GALK2: variants seen among roughly 807,000 people sequenced by gnomAD.
GALK2 encodes N-acetylgalactosamine kinase.
GALK2 carries 36 observed loss-of-function variants against 52.4 expected under a neutral mutation model. The ratio of observed to expected loss-of-function variants is 0.69; its 90% confidence interval spans 0.53 to 0.91. GALK2 has a LOEUF of 0.91. Among genes scored for constraint, GALK2 ranks in the 40% least tolerant of loss-of-function variants. GALK2 has a pLI of 0.00. For missense variants in GALK2, 579 were observed against 559.1 expected (o/e 1.04, Z -0.36); for synonymous variants, 176 against 199.1 (o/e 0.88, Z 0.98).
chr15:49,281,073 G>C (rs2032623630), intron 5 of GALK2, among the ~76,000 whole-genome samples: 1 of 152,206 alleles, frequency 6.6e-6, no homozygotes, highest in South Asian at 2.1e-4. Flanking sequence ...TTGACCTCGT[G>C]ATCCGCCCAC....
At chr15:49,173,153 T>C (rs1344993325) in intron 1 of GALK2, among the ~76,000 whole-genome samples, 1 of 152,200 alleles carries the variant, frequency 6.6e-6, no homozygotes, top group East Asian at 1.9e-4. Flanking sequence ...AATGGAATCA[T>C]ATAAAATGTG....
rs1230351138 is a variant in GALK2 at position 49,204,717 on chromosome 15, A to G, written c.142+3467A>G. On this transcript the variant is annotated intron_variant, in intron 2 of 9. Coordinates refer to ENST00000560031, the MANE Select transcript of GALK2 (RefSeq NM_002044.4). ...TATTATTTTAAAATCTTATTTTTCC[A>G]TAAGTTATTGGGGTACAGGTGGTAT... is the stretch of plus-strand genomic sequence containing the variant. Among the ~76,000 whole-genome samples the G allele has an allele frequency of 4.6e-5, 7 of 152,038 alleles. No homozygotes were observed. The East Asian group carries it at 5.8e-4, about 13-fold the overall frequency.
In GALK2 at chr15:49,331,342, C is replaced by T. The variant is rs1301996416; in HGVS notation, c.*3183C>T. 1 of 153,868 alleles carries T rather than the reference C, an allele frequency of 6.5e-6. No individual in the cohort carries two copies. Among genetic ancestry groups the T allele is most frequent in the African/African-American group, 2.4e-5 (1 of 41,450 alleles). The allele number at this position is 153,868 out of a possible 1,614,324, so 9.5% of individuals were successfully genotyped here. A position where few individuals can be genotyped will look rare whatever the true frequency, so the allele number is the denominator to read the frequency against. On this transcript the variant is annotated 3_prime_UTR_variant, in exon 10 of 10. Coordinates refer to ENST00000560031, the MANE Select transcript of GALK2 (RefSeq NM_002044.4). ...AAAATCAGAAAGATGGAACAGGCTC[C>T]TTTCTTTTCTTTCTTTCTCATACTT... is the stretch of plus-strand genomic sequence containing the variant.
chr15:49,344,282 C>G (rs1389204449), intron 3 of GALK2: 1 of 152,114 alleles, frequency 6.6e-6, no homozygotes, highest in African/African-American at 2.4e-5. Flanking sequence ...CTGTTACATA[C>G]AAATACATAT....
chr15:49,284,928 T>G (rs2033171026), intron 7 of GALK2, among the ~76,000 whole-genome samples: 1 of 152,164 alleles, frequency 6.6e-6, no homozygotes, highest in South Asian at 2.1e-4. Context: ...TCTATCAGAC[T>G]CCACCTATTC....
At chr15:49,219,433 T>C (rs941250221) in intron 3 of GALK2, among the ~76,000 whole-genome samples, 5 of 152,222 alleles carry the variant, frequency 3.3e-5, no homozygotes, top group Admixed American at 2.6e-4. Context: ...TGTAAGTTCA[T>C]TAAATCTCTT....
intron 1 of GALK2, 192 bp downstream of exon 1, chr15:49,170,567 T>A (rs1422213070): frequency 5.1e-6 from 3 of 590,540 alleles, no homozygotes; most frequent in Admixed American, 5.9e-5. Flanking sequence ...CTACCTTGAC[T>A]ACTACGAAGG....
intron 7 of GALK2, among the ~76,000 whole-genome samples, chr15:49,291,699 T>A (rs2033952573): frequency 6.6e-6 from 1 of 152,154 alleles, no homozygotes; most frequent in African/African-American, 2.4e-5. Flanking sequence ...AGGAGGTACC[T>A]CAGGATGCAG....
chr15:49,241,871 G>A (rs117896289), intron 5 of GALK2, among the ~76,000 whole-genome samples: 8 of 115,048 alleles, frequency 7.0e-5, no homozygotes, highest in Middle Eastern at 4.0e-3. Flanking sequence ...TTTCAAAGTC[G>A]GAAATAGCAA....
chr15:49,306,454 G>T (rs960216695), intron 8 of GALK2, among the ~76,000 whole-genome samples: 1 of 151,790 alleles, frequency 6.6e-6, no homozygotes, highest in Admixed American at 6.6e-5. Flanking sequence ...TAATTTTGTG[G>T]GAAGACAACA....
chr15:49,301,774 G>A (rs1279351094), intron 8 of GALK2, among the ~76,000 whole-genome samples: 2 of 152,190 alleles, frequency 1.3e-5, no homozygotes, highest in East Asian at 3.8e-4. Flanking sequence ...CTTTGCCTGT[G>A]ACCACATGCT....
At chr15:49,284,503 A>G (rs539845813) in intron 7 of GALK2, among the ~76,000 whole-genome samples, 1 of 152,298 alleles carries the variant, frequency 6.6e-6, no homozygotes, top group South Asian at 2.1e-4. Context: ...TGGAGAGAGG[A>G]CTGAGGCTGG....
chr15:49,342,100 C>T (rs550637230), intron 3 of GALK2, among the ~76,000 whole-genome samples: 3 of 152,164 alleles, frequency 2.0e-5, no homozygotes, highest in South Asian at 2.1e-4. Flanking sequence ...GGTTCTGCCT[C>T]GATGATCTGC....
At chr15:49,356,301 G>A (rs1377929953) in intron 3 of GALK2, among the ~76,000 whole-genome samples, 2 of 151,418 alleles carry the variant, frequency 1.3e-5, no homozygotes, top group Non-Finnish European at 2.9e-5. Flanking sequence ...ATTGGATAAA[G>A]AGTCAAGACC....
chr15:49,205,167 G>A (rs1165974175), intron 2 of GALK2, among the ~76,000 whole-genome samples: 1 of 136,686 alleles, frequency 7.3e-6, no homozygotes, highest in Non-Finnish European at 1.6e-5. Context: ...AGTGGCAATT[G>A]TGAATTGTGC....
chr15:49,178,315 A>T (rs1265143839), intron 1 of GALK2: 2 of 132,554 alleles, frequency 1.5e-5, no homozygotes, highest in Non-Finnish European at 3.4e-5. Flanking sequence ...ATGTATGCAC[A>T]TATATGTATG....
At chr15:49,332,600 T>G (rs1030064265), downstream of GALK2, among the ~76,000 whole-genome samples, 2 of 152,080 alleles carry the variant, frequency 1.3e-5, no homozygotes, top group African/African-American at 4.8e-5. Context: ...GGAGAAACAT[T>G]AGTAAAAGTA....
rs138436874 is a variant in GALK2 at position 49,246,112 on chromosome 15, G to T, written c.504+6745G>T. On this transcript the variant is annotated intron_variant, in intron 5 of 9. Coordinates refer to ENST00000560031, the MANE Select transcript of GALK2 (RefSeq NM_002044.4). ...GAAGTTTGGGTATCAAAAATCTTTC[G>T]CCAAGAAAATGTTAGTTGCTGAGGT... Among the ~76,000 whole-genome samples, 28 of 152,226 alleles carry T rather than the reference G, an allele frequency of 1.8e-4. No homozygotes were observed. The East Asian group carries it at 5.2e-3, about 28-fold the overall frequency.
In GALK2 at chr15:49,230,987, A is replaced by C. The variant is rs537808175; in HGVS notation, c.267-4864A>C. ...TGGGAAAGAGCAAAGATCAATAACTAATCAAAAAGCAGTTTTTTTTTGTTT... is the reference window on the plus strand; with the variant it reads ...TGGGAAAGAGCAAAGATCAATAACTCATCAAAAAGCAGTTTTTTTTTGTTT... On this transcript the variant is annotated intron_variant, in intron 3 of 9. Coordinates refer to ENST00000560031, the MANE Select transcript of GALK2 (RefSeq NM_002044.4). Among the ~76,000 whole-genome samples, 3 of 152,288 alleles carry C rather than the reference A, an allele frequency of 2.0e-5. No homozygotes were observed. The East Asian group carries it at 5.8e-4, about 29-fold the overall frequency.
Sources: allele counts gnomAD v4.1 joint callset (sites outside exome capture counted in the v4.1 genomes callset), GRCh38; gene constraint gnomAD v4.1.1; transcripts MANE v1.5; gene names NCBI Gene and HGNC (gene_info 2026-07-23, HGNC 2026-07-21).